VTI1A: variants seen among roughly 807,000 people sequenced by gnomAD.
VTI1A encodes the protein vesicle transport through interaction with t-SNAREs 1A.
A neutral mutation model predicts 34.9 loss-of-function variants in VTI1A; 22 were observed. That is an observed-to-expected ratio of 0.63 (90% confidence interval 0.45 to 0.90). VTI1A has a LOEUF of 0.90. VTI1A is among the 40% of genes least tolerant of loss of function. The pLI, the probability that VTI1A is intolerant of heterozygous loss-of-function variation, is 0.00. For missense variants in VTI1A, 268 were observed against 275.6 expected, an observed-to-expected ratio of 0.97 and a Z score of 0.20; for synonymous variants, 87 against 97.3, an observed-to-expected ratio of 0.89 and a Z score of 0.62.
chr10:112,748,860 A>G (rs938230113), intron 7 of VTI1A, among the ~76,000 whole-genome samples: 9 of 151,612 alleles, frequency 5.9e-5, no homozygotes, highest in Admixed American at 5.9e-4. Flanking sequence ...CGATCTCCTG[A>G]CCTCGTGACC....
intron 5 of VTI1A, chr10:112,548,831 A>G (rs2134288848): frequency 1.3e-6 from 2 of 1,494,450 alleles, no homozygotes; most frequent in Non-Finnish European, 1.8e-6. Context: ...GACTTTAAGA[A>G]TTTAGGGCCA....
At chr10:112,735,894 T>A (rs1001979314) in intron 7 of VTI1A, among the ~76,000 whole-genome samples, 1 of 151,798 alleles carries the variant, frequency 6.6e-6, no homozygotes, top group Non-Finnish European at 1.5e-5. Flanking sequence ...AGCAACATGT[T>A]CATGGACCAC....
At chr10:112,803,682 C>G (rs1201964752) in intron 7 of VTI1A, among the ~76,000 whole-genome samples, 1 of 152,196 alleles carries the variant, frequency 6.6e-6, no homozygotes, top group East Asian at 1.9e-4. Flanking sequence ...GGGAGGATCA[C>G]TTGAGCCCAG....
chr10:112,629,934 A>G (rs1412135113), intron 5 of VTI1A, among the ~76,000 whole-genome samples: 1 of 152,126 alleles, frequency 6.6e-6, no homozygotes, highest in East Asian at 1.9e-4. Flanking sequence ...GATTTTTTTA[A>G]ACGAAGATGA....
chr10:112,634,302 G>C (rs1214854495), intron 5 of VTI1A: 1 of 153,096 alleles, frequency 6.5e-6, no homozygotes, highest in Admixed American at 6.5e-5. Flanking sequence ...TCCATTTTTT[G>C]GTTGGTGTTC....
the VTI1A span, chr10:112,826,080 T>TTGTAGTGGGTCCTGAAAATTA: frequency 6.6e-6 from 1 of 152,186 alleles, no homozygotes; most frequent in African/African-American, 2.4e-5. Flanking sequence ...CATTTTCGTT[T>TTGTAGTGGGTCCTGAAAATTA]TGTAGTGGGT....
chr10:112,566,868 C>T (rs1851921874), intron 5 of VTI1A, among the ~76,000 whole-genome samples: 1 of 152,086 alleles, frequency 6.6e-6, no homozygotes, highest in Non-Finnish European at 1.5e-5. Context: ...ATGTGTGGGG[C>T]ATGGGGGTCT....
At chr10:112,504,725 T>G (rs1485917835) in intron 3 of VTI1A, among the ~76,000 whole-genome samples, 1 of 152,206 alleles carries the variant, frequency 6.6e-6, no homozygotes, top group Non-Finnish European at 1.5e-5. Context: ...CTATGGGGGA[T>G]GTATTAATTT....
At chr10:112,566,323 A>C (rs1024100859) in intron 5 of VTI1A, among the ~76,000 whole-genome samples, 5 of 152,212 alleles carry the variant, frequency 3.3e-5, no homozygotes, top group African/African-American at 1.2e-4. Context: ...AATTCAATAA[A>C]ATGTTAAAAT....
At chr10:112,836,103 G>A in the VTI1A span, among the ~76,000 whole-genome samples, 6 of 152,200 alleles carry the variant, frequency 3.9e-5, no homozygotes, top group Admixed American at 1.3e-4. Context: ...TCCAGCTTGC[G>A]TCCAGCCCTG....
chr10:112,625,704 G>A (rs1173914133), intron 5 of VTI1A, among the ~76,000 whole-genome samples: 1 of 151,766 alleles, frequency 6.6e-6, no homozygotes, highest in East Asian at 1.9e-4. Context: ...TAGGCTGTGA[G>A]GATGCAGAGG....
At chr10:112,830,849 A>ATATATTTTTTTTTTTTTTTTTT in the VTI1A span, among the ~76,000 whole-genome samples, 1 of 33,496 alleles carries the variant, frequency 3.0e-5, no homozygotes, top group East Asian at 1.5e-3. Flanking sequence ...ATATATATAT[A>ATATATTTTTTTTTTTTTTTTTT]TTTTTTTTTT....
chr10:112,543,425 C>G (rs1459658842), intron 5 of VTI1A, among the ~76,000 whole-genome samples: 1 of 152,158 alleles, frequency 6.6e-6, no homozygotes, highest in Non-Finnish European at 1.5e-5. Flanking sequence ...TCTCTGATGG[C>G]CAGTGATGAT....
chr10:112,811,552 C>T (rs918536910), intron 7 of VTI1A, among the ~76,000 whole-genome samples: 46 of 151,972 alleles, frequency 3.0e-4, no homozygotes, highest in African/African-American at 1.0e-3. Context: ...GGCGTGGTGG[C>T]GGGCGCCTGT....
intron 5 of VTI1A, among the ~76,000 whole-genome samples, chr10:112,610,105 C>T (rs1845239345): frequency 1.3e-5 from 2 of 151,652 alleles, no homozygotes; most frequent in South Asian, 4.2e-4. Context: ...GCGCATTTAA[C>T]TGGCCTTATT....
At chr10:112,826,647 G>A in the VTI1A span, 4 of 152,274 alleles carry the variant, frequency 2.6e-5, no homozygotes, top group East Asian at 7.7e-4. Context: ...ATGAAGGAGG[G>A]TGGGTGCCAA....
chr10:112,514,384 C>G (rs1326182266), intron 3 of VTI1A, among the ~76,000 whole-genome samples: 4 of 151,644 alleles, frequency 2.6e-5, no homozygotes. Flanking sequence ...TGAGTAGTCT[C>G]TCCTTTTTTT....
chr10:112,553,842 A>G (rs1452957353), intron 5 of VTI1A, among the ~76,000 whole-genome samples: 1 of 152,226 alleles, frequency 6.6e-6, no homozygotes, highest in African/African-American at 2.4e-5. Flanking sequence ...ACTTTATACT[A>G]AGAAAGAGGG....
chr10:112,696,805 T>C (rs1009850711), intron 7 of VTI1A, among the ~76,000 whole-genome samples: 12 of 152,194 alleles, frequency 7.9e-5, no homozygotes, highest in Admixed American at 5.9e-4. Context: ...GGGATTGTAT[T>C]TCCTTGAGTA....
Sources: allele counts gnomAD v4.1 joint callset (sites outside exome capture counted in the v4.1 genomes callset), GRCh38; gene constraint gnomAD v4.1.1; transcripts MANE v1.5; gene names NCBI Gene and HGNC (gene_info 2026-07-23, HGNC 2026-07-21).